CACNA1A: variants seen among roughly 807,000 people sequenced by gnomAD.
CACNA1A encodes the protein voltage-dependent P/Q-type calcium channel subunit alpha-1A.
CACNA1A carries 57 observed loss-of-function variants against 262.4 expected under a neutral mutation model. That is an observed-to-expected ratio of 0.22 (90% CI 0.18 to 0.27). CACNA1A has a LOEUF of 0.27. Ranked by LOEUF, CACNA1A falls within the 10% of genes least tolerant of loss-of-function variation. The pLI is 1.00. For missense variants in CACNA1A, 2,526 were observed against 3,562.8 expected, an observed-to-expected ratio of 0.71 and a Z score of 7.41; for synonymous variants, 1,431 against 1,419.3, an observed-to-expected ratio of 1.01 and a Z score of -0.18.
At chr19:13,374,448 C>T (rs2059372668) in intron 3 of CACNA1A, among the ~76,000 whole-genome samples, 1 of 152,034 alleles carries the variant, frequency 6.6e-6, no homozygotes, top group Non-Finnish European at 1.5e-5. Flanking sequence ...TGGGGTCTTG[C>T]TATATTGCCC....
chr19:13,499,637 T>G (rs1982132569), intron 1 of CACNA1A, among the ~76,000 whole-genome samples: 2 of 152,116 alleles, frequency 1.3e-5, no homozygotes, highest in South Asian at 4.1e-4. Flanking sequence ...CTGAGAGCCC[T>G]CCAAGGGAGA....
At chr19:13,394,083 G>C (rs781207106) in intron 3 of CACNA1A, among the ~76,000 whole-genome samples, 1 of 152,094 alleles carries the variant, frequency 6.6e-6, no homozygotes, top group Non-Finnish European at 1.5e-5. Context: ...ATATATTTAG[G>C]AAGTAGCTAA....
chr19:13,461,757 C>T (rs1036332070), intron 1 of CACNA1A, among the ~76,000 whole-genome samples: 10 of 152,106 alleles, frequency 6.6e-5, no homozygotes, highest in Admixed American at 1.3e-4. Flanking sequence ...CTGATTGGCT[C>T]GGAGAGAAAG....
intron 1 of CACNA1A, among the ~76,000 whole-genome samples, chr19:13,459,103 C>T (rs1179334611): frequency 2.6e-5 from 4 of 152,036 alleles, no homozygotes; most frequent in Non-Finnish European, 5.9e-5. Flanking sequence ...GCTGAGTGTC[C>T]CCTGGGGGCA....
chr19:13,238,171 C>A (rs1293088685), intron 31 of CACNA1A, among the ~76,000 whole-genome samples: 1 of 152,170 alleles, frequency 6.6e-6, no homozygotes, highest in Non-Finnish European at 1.5e-5. Flanking sequence ...AGTACCAATT[C>A]TTTCCACTGC....
At chr19:13,449,876 T>G (rs992226515) in intron 3 of CACNA1A, among the ~76,000 whole-genome samples, 16 of 152,110 alleles carry the variant, frequency 1.1e-4, no homozygotes, top group Non-Finnish European at 1.9e-4. Context: ...CACAGTGGCT[T>G]ACGCCTGTAA....
At chr19:13,437,779 C>T (rs1192482616) in intron 3 of CACNA1A, among the ~76,000 whole-genome samples, 1 of 151,974 alleles carries the variant, frequency 6.6e-6, no homozygotes, top group Non-Finnish European at 1.5e-5. Context: ...CCCAACCAGC[C>T]TGGCCTCTGC....
intron 29 of CACNA1A, among the ~76,000 whole-genome samples, chr19:13,254,605 G>A (rs549512895): frequency 6.6e-5 from 10 of 152,050 alleles, no homozygotes; most frequent in East Asian, 5.8e-4. Context: ...CAGGTGATCC[G>A]CCCGCCTCGG....
intron 19 of CACNA1A, among the ~76,000 whole-genome samples, chr19:13,295,650 C>A (rs1197823223): frequency 6.6e-6 from 1 of 152,038 alleles, no homozygotes; most frequent in East Asian, 1.9e-4. Flanking sequence ...TGCCGCCACA[C>A]CTGGCTAATT....
intron 30 of CACNA1A, 49 bp downstream of exon 30, chr19:13,252,942 C>T (rs2056441495): frequency 7.8e-7 from 1 of 1,287,990 alleles, no homozygotes; most frequent in African/African-American, 1.5e-5. Flanking sequence ...CATTGTTCCC[C>T]CTTGGGCTTC....
chr19:13,264,538 C>T (rs1241745858), intron 24 of CACNA1A, among the ~76,000 whole-genome samples: 1 of 152,214 alleles, frequency 6.6e-6, no homozygotes, highest in Non-Finnish European at 1.5e-5. Context: ...AAATCTAGTC[C>T]AACTTACCTT....
At chr19:13,262,251 G>A (rs1055331558) in intron 25 of CACNA1A, 1 of 156,900 alleles carries the variant, frequency 6.4e-6, no homozygotes, top group East Asian at 1.9e-4. Flanking sequence ...GTGAAGCATA[G>A]AGTGAAAGTG....
At chr19:13,240,769 CACAGTGTGTGCGCAGTGACTG>C (rs1732262980) in intron 31 of CACNA1A, among the ~76,000 whole-genome samples, 1 of 144,034 alleles carries the variant, frequency 6.9e-6, no homozygotes, top group South Asian at 2.5e-4. Context: ...TGACTGTGTG[CACAGTGTGTGCGCAGTGACTG>C]AGTGTGTGCA....
rs535891906 is a variant in CACNA1A, at chr19:13,315,347, G to A, written c.1555+1765C>T. 3.7e-3 allele frequency: 559 copies of A among 152,208 alleles called. 3 individuals carry two copies. The highest frequency in any genetic ancestry group is 0.021 in the South Asian group (100 of 4,798). The allele number at this position is 152,208 out of a possible 1,614,324, so 9.4% of individuals were successfully genotyped here. ...CTCCCAAGTAGCTGGGATTACAGGC[G>A]CCCGCCATCATGCCAAGCTAATGTG... On this transcript the variant is annotated intron_variant, in intron 11 of 46. Coordinates refer to ENST00000360228, the MANE Select transcript of CACNA1A (RefSeq NM_001127222.2).
In CACNA1A at chr19:13,345,781, G is replaced by A. The variant is rs151143331; in HGVS notation, c.979-9872C>T. 1.7e-4 allele frequency among the ~76,000 whole-genome samples: 26 copies of A among 151,742 alleles called. No individual in the cohort carries two copies. The East Asian group carries it at 3.3e-3, about 19-fold the overall frequency. ...AGGCTGTGTGTCCCACTTTATACCC[G>A]TTATAGATCATGCCAGGCCTGCTAA... is the stretch of plus-strand genomic sequence containing the variant. On this transcript the variant is annotated intron_variant, in intron 6 of 46. Transcript: ENST00000360228.
intron 3 of CACNA1A, among the ~76,000 whole-genome samples, chr19:13,405,880 C>A (rs764731343): frequency 2.6e-5 from 4 of 152,182 alleles, no homozygotes; most frequent in Non-Finnish European, 5.9e-5. Context: ...GAGGGACTTG[C>A]TGACTGGCCC....
At chr19:13,405,864 G>A (rs2059994067) in intron 3 of CACNA1A, among the ~76,000 whole-genome samples, 1 of 152,202 alleles carries the variant, frequency 6.6e-6, no homozygotes, top group African/African-American at 2.4e-5. Context: ...AGAAAACTGA[G>A]TTATAGAGGG....
intron 6 of CACNA1A, among the ~76,000 whole-genome samples, chr19:13,354,869 C>CTTTTTT (rs56350383): frequency 3.6e-3 from 415 of 115,000 alleles, no homozygotes; most frequent in Non-Finnish European, 5.6e-3. Flanking sequence ...TTTTCTTTTT[C>CTTTTTT]TTTTTTTTTT....
chr19:13,360,265 G>GTATATATATATATATATA (rs34849471), intron 5 of CACNA1A, among the ~76,000 whole-genome samples: 29 of 124,216 alleles, frequency 2.3e-4, no homozygotes, highest in East Asian at 1.1e-3. Flanking sequence ...GTGTGTGTGT[G>GTATATATATATATATATA]TATATATATA....
Sources: allele counts gnomAD v4.1 joint callset (sites outside exome capture counted in the v4.1 genomes callset), GRCh38; gene constraint gnomAD v4.1.1; transcripts MANE v1.5; gene names NCBI Gene and HGNC (gene_info 2026-07-23, HGNC 2026-07-21).